Variants in XYLB observed in about 807,000 individuals in gnomAD.
XYLB encodes xylulokinase.
Under a neutral mutation model 78.7 loss-of-function variants are expected in XYLB, and 62 were observed. The observed-to-expected ratio is 0.79, with a 90% CI of 0.64 to 0.97. XYLB has a LOEUF of 0.97. XYLB is among the 50% of genes least tolerant of loss of function. The pLI is 0.00. For synonymous variants in XYLB, 245 were observed against 247.4 expected (o/e 0.99, Z 0.09); for missense variants, 687 against 676.8 (o/e 1.02, Z -0.17).
chr3:38,401,817 A>G (rs1010966048), intron 18 of XYLB, among the ~76,000 whole-genome samples: 3 of 152,108 alleles, frequency 2.0e-5, no homozygotes, highest in Non-Finnish European at 4.4e-5. Flanking sequence ...TGGATGGCAC[A>G]CCATAGCATC....
At chr3:38,378,368 G>A (rs1706972111) in intron 14 of XYLB, among the ~76,000 whole-genome samples, 1 of 152,246 alleles carries the variant, frequency 6.6e-6, no homozygotes, top group Non-Finnish European at 1.5e-5. Flanking sequence ...GGTGGCCCTT[G>A]CTCCCCAGAG....
At position 38,365,212 on chromosome 3, in the gene XYLB, TATACTGG is replaced by T. The variant is rs1559581834; in HGVS notation, c.307_313del (p.Tyr103ArgfsTer8). 6.2e-7 allele frequency: 1 copy of T among 1,614,186 alleles called. No individual in the cohort carries two copies. The highest frequency in any genetic ancestry group is 8.5e-7 in the Non-Finnish European group (1 of 1,180,038). The stretch of plus-strand genomic sequence containing the variant: ...GTTTCCCAACAGCAACACGGAAGTA[TATACTGG>T]AAGGCTGGAGCCCAGCAGGCACTGA... On this transcript the variant is annotated frameshift_variant, in exon 5 of 19. Transcript: ENST00000207870. LOFTEE classifies it high-confidence loss of function.
At chr3:38,416,931 G>T (rs1708814359), downstream of XYLB, among the ~76,000 whole-genome samples, 1 of 152,010 alleles carries the variant, frequency 6.6e-6, no homozygotes, top group Non-Finnish European at 1.5e-5. Flanking sequence ...CTTCTGCCTT[G>T]TCAAAGCACA....
At chr3:38,368,952 C>T (rs540057298) in intron 8 of XYLB, among the ~76,000 whole-genome samples, 7 of 151,992 alleles carry the variant, frequency 4.6e-5, no homozygotes, top group Admixed American at 1.3e-4. Flanking sequence ...ATCAAAACCC[C>T]GAAAAAAATA....
intron 18 of XYLB, among the ~76,000 whole-genome samples, chr3:38,409,389 AAAT>A (rs1353172854): frequency 2.6e-5 from 4 of 151,858 alleles, no homozygotes; most frequent in African/African-American, 9.7e-5. Context: ...ACATATCTCA[AAAT>A]AATAAGAGCT....
At chr3:38,396,964 A>G in intron 16 of XYLB, 108 bp from the exon 17 acceptor site, 1 of 1,075,172 alleles carries the variant, frequency 9.3e-7, no homozygotes, top group Non-Finnish European at 1.4e-6. Context: ...GTGGAATGGA[A>G]GGGGTCAGAA....
chr3:38,403,289 C>CAA (rs35593230), intron 18 of XYLB, among the ~76,000 whole-genome samples: 97 of 126,450 alleles, frequency 7.7e-4, no homozygotes, highest in Middle Eastern at 4.1e-3. Flanking sequence ...GACCCTGTCT[C>CAA]AAAAAAAAAA....
intron 9 of XYLB, chr3:38,372,292 C>G (rs1706609742): frequency 3.0e-6 from 2 of 660,384 alleles, no homozygotes; most frequent in African/African-American, 3.9e-5. Flanking sequence ...CATGAGTTTG[C>G]TTACTGGTGT....
intron 3 of XYLB, among the ~76,000 whole-genome samples, chr3:38,361,096 A>AAG (rs1272720762): frequency 1.3e-5 from 2 of 152,218 alleles, no homozygotes; most frequent in Non-Finnish European, 2.9e-5. Flanking sequence ...CTCAGCCTCC[A>AAG]AGATCCCTTA....
At position 38,414,077 on chromosome 3, in the gene XYLB, GT is replaced by G. The variant is rs1708707432; in HGVS notation, c.*1065del. On this transcript the variant is annotated 3_prime_UTR_variant, in exon 19 of 19. Transcript: ENST00000207870. Reference sequence around the variant, plus strand: ...CAAAAGCCTCTATAGAAAGTCCTCTGTGATCTGACTCCTGCAGACTCTTCCA... The same window carrying G: ...CAAAAGCCTCTATAGAAAGTCCTCTGGATCTGACTCCTGCAGACTCTTCCA... 1 of 152,096 alleles carries G rather than the reference GT, an allele frequency of 6.6e-6. No individual in the cohort carries two copies. The highest frequency in any genetic ancestry group is 2.4e-5 in the African/African-American group (1 of 41,388). The allele number at this position is 152,096 out of a possible 1,614,324, so 9.4% of individuals were successfully genotyped here.
chr3:38,364,974 T>C (rs1706169382), intron 4 of XYLB, among the ~76,000 whole-genome samples: 1 of 152,234 alleles, frequency 6.6e-6, no homozygotes, highest in Non-Finnish European at 1.5e-5. Flanking sequence ...TAATTAGTTC[T>C]TGGACCTTTT....
Position 38,395,577 on chromosome 3 carries a change from G to A in XYLB, c.1350+14G>A, listed in dbSNP as rs1288004461. 1.2e-6 allele frequency: 2 copies of A among 1,613,748 alleles called. No individual in the cohort carries two copies. The highest frequency in any genetic ancestry group is 2.7e-5 in the African/African-American group (2 of 74,934). The stretch of plus-strand genomic sequence containing the variant: ...GAAATCTTACAGGTAAGCGTTAGTA[G>A]TGGGCCTTACACCATGGCCTCTCCC... On this transcript the variant is annotated intron_variant, in intron 16 of 18. Transcript: ENST00000207870.
At chr3:38,430,856 G>A in the XYLB span, among the ~76,000 whole-genome samples, 1 of 152,192 alleles carries the variant, frequency 6.6e-6, no homozygotes, top group South Asian at 2.1e-4. Flanking sequence ...TCAAAGATCA[G>A]ATAGTTGTAG....
At chr3:38,387,462 C>G (rs1484993927) in intron 15 of XYLB, among the ~76,000 whole-genome samples, 1 of 152,174 alleles carries the variant, frequency 6.6e-6, no homozygotes, top group Non-Finnish European at 1.5e-5. Context: ...CCTCCACCTG[C>G]TGGGCTCAAG....
At chr3:38,410,231 A>G (rs998768563) in intron 18 of XYLB, among the ~76,000 whole-genome samples, 3 of 151,244 alleles carry the variant, frequency 2.0e-5, no homozygotes, top group South Asian at 2.1e-4. Context: ...ATAATGCTGC[A>G]TATCTACAAC....
At chr3:38,430,317 A>AT in the XYLB span, among the ~76,000 whole-genome samples, 1 of 152,234 alleles carries the variant, frequency 6.6e-6, no homozygotes, top group South Asian at 2.1e-4. Flanking sequence ...GATGATGAGC[A>AT]TTTTTTCATG....
At chr3:38,434,713 C>A in the XYLB span, among the ~76,000 whole-genome samples, 8 of 152,008 alleles carry the variant, frequency 5.3e-5, no homozygotes, top group Non-Finnish European at 8.8e-5. Context: ...GCCACAATGA[C>A]AATAAGAGAA....
intron 7 of XYLB, 103 bp from the exon 8 acceptor site, chr3:38,368,082 C>G: frequency 8.5e-4 from 899 of 1,060,278 alleles, no homozygotes; most frequent in Non-Finnish European, 1.2e-3. Context: ...AAAGTTTCCA[C>G]TTCCCTCTCC....
At chr3:38,412,821 G>T in intron 18 of XYLB, 115 bp from the exon 19 acceptor site, 1 of 877,956 alleles carries the variant, frequency 1.1e-6, no homozygotes, top group Non-Finnish European at 1.8e-6. Context: ...CTTTCGCCCA[G>T]AAAAAAAGTT....
Sources: gnomAD v4.1 joint callset for allele counts (sites outside exome capture counted in the v4.1 genomes callset) on GRCh38, gnomAD v4.1.1 for gene constraint, MANE v1.5 for transcripts, NCBI Gene and HGNC (gene_info 2026-07-23, HGNC 2026-07-21) for gene names.